The following CCDC148 variants were observed in gnomAD, a reference collection of about 807,000 sequenced individuals.
The protein encoded by CCDC148 is coiled-coil domain-containing protein 148.
CCDC148 carries 89 observed loss-of-function variants against 85.7 expected under a neutral mutation model. The ratio of observed to expected loss-of-function variants is 1.04; its 90% CI spans 0.87 to 1.24. CCDC148 has a LOEUF of 1.24. CCDC148 is among the 50% of genes most tolerant of loss of function. The probability of loss-of-function intolerance (pLI) is 0.00; values close to 1 mark genes in which losing one functional copy is unlikely to be tolerated. For missense variants in CCDC148, 692 were observed against 671.7 expected (o/e 1.03, Z -0.33); for synonymous variants, 230 against 213.9 (o/e 1.08, Z -0.66).
rs188189458 is a variant in CCDC148 at position 158,330,045 on chromosome 2, T to C, written c.764+8681A>G. ...CCTGGCCAGAACTTCCAACGCTATGTTGAATAGGAGTGGTGAGAGAGGGCA... is the reference window on the plus strand; with the variant it reads ...CCTGGCCAGAACTTCCAACGCTATGCTGAATAGGAGTGGTGAGAGAGGGCA... On this transcript the variant is annotated intron_variant, in intron 7 of 13. Transcript: ENST00000283233. Among the ~76,000 whole-genome samples, 1,474 of 152,282 alleles carry C rather than the reference T, an allele frequency of 9.7e-3. 20 individuals carry two copies. Among genetic ancestry groups the C allele is most frequent in the African/African-American group, 0.033 (1,365 of 41,552 alleles).
At chr2:158,305,294 T>C (rs1179963729) in intron 9 of CCDC148, among the ~76,000 whole-genome samples, 2 of 152,202 alleles carry the variant, frequency 1.3e-5, no homozygotes, top group African/African-American at 4.8e-5. Context: ...AGAATTTGTC[T>C]GCCATGGGGA....
chr2:158,241,305 A>C (rs1688342329), intron 10 of CCDC148, among the ~76,000 whole-genome samples: 1 of 152,204 alleles, frequency 6.6e-6, no homozygotes. Flanking sequence ...AACTCTATAT[A>C]GTTCATTTTA....
chr2:158,262,359 A>G (rs895232434), intron 9 of CCDC148, among the ~76,000 whole-genome samples: 2 of 151,966 alleles, frequency 1.3e-5, no homozygotes, highest in African/African-American at 4.8e-5. Flanking sequence ...AGTCTATTTG[A>G]GAGTGGAGTG....
chr2:158,410,730 G>T (rs1352150662), intron 1 of CCDC148, among the ~76,000 whole-genome samples: 1 of 151,898 alleles, frequency 6.6e-6, no homozygotes, highest in Non-Finnish European at 1.5e-5. Context: ...TAATATTAGG[G>T]TTAAAATTTA....
At chr2:158,415,273 A>G (rs1686444821) in intron 1 of CCDC148, among the ~76,000 whole-genome samples, 1 of 151,978 alleles carries the variant, frequency 6.6e-6, no homozygotes, top group African/African-American at 2.4e-5. Context: ...GGAGGAAGAG[A>G]GTGAAGGGTG....
At chr2:158,267,648 T>C (rs1996786) in intron 9 of CCDC148, among the ~76,000 whole-genome samples, 62,126 of 151,934 alleles carry the variant, frequency 0.41, 13,331 homozygotes, top group South Asian at 0.61. Flanking sequence ...TTAGAGATTG[T>C]CATTGATCTC....
intron 9 of CCDC148, among the ~76,000 whole-genome samples, chr2:158,278,555 G>A (rs971950339): frequency 4.6e-5 from 7 of 152,212 alleles, no homozygotes; most frequent in Non-Finnish European, 8.8e-5. Context: ...AAACTGCAAG[G>A]TGGCAGCGAG....
At chr2:158,333,616 G>A (rs1224511834) in intron 7 of CCDC148, among the ~76,000 whole-genome samples, 3 of 152,106 alleles carry the variant, frequency 2.0e-5, no homozygotes, top group East Asian at 1.9e-4. Context: ...TGACAGTGGG[G>A]TGTTAAAGTC....
intron 2 of CCDC148, among the ~76,000 whole-genome samples, chr2:158,353,469 A>G (rs1683438354): frequency 7.0e-6 from 1 of 142,856 alleles, no homozygotes; most frequent in Non-Finnish European, 1.6e-5. Flanking sequence ...AAAGATCAAA[A>G]GAGACAAAGA....
intron 5 of CCDC148, among the ~76,000 whole-genome samples, 156 bp from the exon 6 acceptor site, chr2:158,339,241 T>A (rs201635820): frequency 6.6e-6 from 1 of 152,164 alleles, no homozygotes; most frequent in East Asian, 1.9e-4. Flanking sequence ...TAGGCAGTGC[T>A]CATCAGACAA....
At chr2:158,398,496 T>C (rs923058175) in intron 1 of CCDC148, among the ~76,000 whole-genome samples, 2 of 152,100 alleles carry the variant, frequency 1.3e-5, no homozygotes, top group African/African-American at 4.8e-5. Flanking sequence ...CACAACTACA[T>C]GGAAACTGAA....
chr2:158,248,844 A>G (rs925282738), intron 10 of CCDC148, among the ~76,000 whole-genome samples: 4 of 152,094 alleles, frequency 2.6e-5, no homozygotes, highest in African/African-American at 9.7e-5. Flanking sequence ...CCTTGTTTTA[A>G]GCTGCATTTA....
intron 9 of CCDC148, among the ~76,000 whole-genome samples, chr2:158,307,839 T>C (rs1393689049): frequency 6.6e-6 from 1 of 152,160 alleles, no homozygotes; most frequent in African/African-American, 2.4e-5. Context: ...AACTAATCGA[T>C]GGTCATGAAG....
chr2:158,396,006 G>A (rs571210310), intron 1 of CCDC148, among the ~76,000 whole-genome samples: 2 of 152,172 alleles, frequency 1.3e-5, no homozygotes, highest in South Asian at 4.1e-4. Context: ...TGATGGAATG[G>A]CTAAGGACAG....
intron 10 of CCDC148, among the ~76,000 whole-genome samples, chr2:158,238,567 A>T (rs1438940594): frequency 6.6e-6 from 1 of 152,130 alleles, no homozygotes; most frequent in Non-Finnish European, 1.5e-5. Flanking sequence ...TTCAACTATG[A>T]TCATATTATA....
intron 9 of CCDC148, among the ~76,000 whole-genome samples, chr2:158,286,846 C>G (rs957699175): frequency 1.3e-5 from 2 of 151,894 alleles, no homozygotes; most frequent in South Asian, 2.1e-4. Context: ...GATTATGGGT[C>G]TGAGTATTAG....
In CCDC148 at chr2:158,340,101, G is replaced by T. The variant is rs1682597716; in HGVS notation, c.486+141C>A. On this transcript the variant is annotated intron_variant, in intron 5 of 13. Transcript: ENST00000283233. The stretch of plus-strand genomic sequence containing the variant: ...TTAAAATATTTAGTGGATAGAATTA[G>T]CTGCCCTTCTATTTAAATATTATTT... The T allele has an allele frequency of 5.0e-6, 3 of 602,270 alleles. No homozygotes were observed. The Admixed American group carries it at 9.6e-5, about 19-fold the overall frequency. The allele number at this position is 602,270 out of a possible 1,614,324, so 37.3% of individuals were successfully genotyped here.
At chr2:158,223,221 T>C (rs1286924885) in intron 10 of CCDC148, among the ~76,000 whole-genome samples, 2 of 152,160 alleles carry the variant, frequency 1.3e-5, no homozygotes, top group Non-Finnish European at 2.9e-5. Context: ...CACTCACTGC[T>C]AGCACAGCAG....
At chr2:158,439,397 G>A (rs901775512) in intron 1 of CCDC148, among the ~76,000 whole-genome samples, 2 of 152,158 alleles carry the variant, frequency 1.3e-5, no homozygotes, top group African/African-American at 4.8e-5. Flanking sequence ...AACACCGCAT[G>A]TTCTCACTCA....
Sources: allele counts gnomAD v4.1 joint callset (sites outside exome capture counted in the v4.1 genomes callset), GRCh38; gene constraint gnomAD v4.1.1; transcripts MANE v1.5; gene names NCBI Gene and HGNC (gene_info 2026-07-23, HGNC 2026-07-21).